The following TRDN variants were observed in gnomAD, a reference collection of about 807,000 sequenced individuals.
The protein encoded by TRDN is triadin in skeletal muscle.
Under a neutral mutation model 149.7 loss-of-function variants are expected in TRDN, and 161 were observed. That is an observed-to-expected ratio of 1.08 (90% CI 0.95 to 1.23). TRDN has a LOEUF of 1.23. TRDN is among the 50% of genes most tolerant of loss of function. The pLI is 0.00. For synonymous variants in TRDN, 294 were observed against 250.5 expected, an observed-to-expected ratio of 1.17 and a Z score of -1.64; for missense variants, 896 against 823.5, an observed-to-expected ratio of 1.09 and a Z score of -1.08.
At chr6:123,520,422 C>A (rs921135129) in intron 5 of TRDN, among the ~76,000 whole-genome samples, 1 of 152,104 alleles carries the variant, frequency 6.6e-6, no homozygotes, top group Non-Finnish European at 1.5e-5. Flanking sequence ...CCAGGACTCT[C>A]CTTCAAAACT....
At chr6:123,418,708 C>T (rs2114534912) in intron 12 of TRDN, 1 of 152,310 alleles carries the variant, frequency 6.6e-6, no homozygotes, top group Non-Finnish European at 1.5e-5. Flanking sequence ...CCACTGACTC[C>T]ATTCCATCTT....
chr6:123,398,833 G>A (rs1772842600), intron 12 of TRDN, among the ~76,000 whole-genome samples: 1 of 152,156 alleles, frequency 6.6e-6, no homozygotes, highest in Admixed American at 6.5e-5. Context: ...TGCAAAAGGT[G>A]CACAATGCAG....
chr6:123,484,724 A>G (rs984036936), intron 9 of TRDN, among the ~76,000 whole-genome samples: 2 of 152,190 alleles, frequency 1.3e-5, no homozygotes, highest in African/African-American at 4.8e-5. Flanking sequence ...GCAAAGATAT[A>G]CCTACAGAAC....
chr6:123,301,723 A>G (rs1320692497), intron 24 of TRDN, among the ~76,000 whole-genome samples: 2 of 143,334 alleles, frequency 1.4e-5, no homozygotes, highest in East Asian at 4.1e-4. Flanking sequence ...CTCCCAGTAC[A>G]TATATGTATG....
intron 24 of TRDN, among the ~76,000 whole-genome samples, chr6:123,312,800 G>A (rs766318973): frequency 6.6e-6 from 1 of 151,848 alleles, no homozygotes; most frequent in Non-Finnish European, 1.5e-5. Flanking sequence ...TCATTTCCTT[G>A]TAGCCATCTT....
At chr6:123,402,316 T>A (rs921054552) in intron 12 of TRDN, among the ~76,000 whole-genome samples, 5 of 152,184 alleles carry the variant, frequency 3.3e-5, no homozygotes, top group Admixed American at 6.5e-5. Context: ...CACGTCCAAA[T>A]AAGGCAAATG....
chr6:123,471,039 A>G (rs1265191489), intron 9 of TRDN: 2 of 152,246 alleles, frequency 1.3e-5, no homozygotes, highest in Non-Finnish European at 2.9e-5. Context: ...TGAGTACCCT[A>G]TAAAAGTTTA....
intron 2 of TRDN, among the ~76,000 whole-genome samples, chr6:123,552,803 T>C (rs1002154181): frequency 1.3e-5 from 2 of 152,132 alleles, no homozygotes; most frequent in Admixed American, 6.6e-5. Context: ...ATTAGCTCTA[T>C]GATATTGAGA....
At chr6:123,527,144 G>C (rs760633478) in intron 5 of TRDN, among the ~76,000 whole-genome samples, 2 of 151,996 alleles carry the variant, frequency 1.3e-5, no homozygotes, top group Middle Eastern at 3.4e-3. Flanking sequence ...GTAGAAAAAG[G>C]TTATGGTAAC....
intron 12 of TRDN, among the ~76,000 whole-genome samples, chr6:123,419,428 G>A (rs991035034): frequency 6.6e-6 from 1 of 152,102 alleles, no homozygotes. Context: ...CTAGGCTGGA[G>A]TACAGTGGTG....
At chr6:123,236,453 G>A (rs1775790610) in intron 38 of TRDN, among the ~76,000 whole-genome samples, 1 of 152,114 alleles carries the variant, frequency 6.6e-6, no homozygotes, top group Non-Finnish European at 1.5e-5. Flanking sequence ...TTAATTTTGA[G>A]ATGGTATACA....
chr6:123,491,421 A>G (rs1282110266), intron 9 of TRDN, among the ~76,000 whole-genome samples: 1 of 152,166 alleles, frequency 6.6e-6, no homozygotes, highest in Admixed American at 6.5e-5. Context: ...TGAAGTATAT[A>G]CATCTTTGAA....
intron 8 of TRDN, chr6:123,498,118 A>G (rs1778528974): frequency 6.1e-6 from 1 of 163,642 alleles, no homozygotes; most frequent in African/African-American, 2.4e-5. Context: ...AAGCATACAT[A>G]TTATGAAATA....
chr6:123,533,300 A>G (rs955806048), intron 4 of TRDN, among the ~76,000 whole-genome samples: 4 of 152,100 alleles, frequency 2.6e-5, no homozygotes, highest in Admixed American at 2.6e-4. Context: ...TCTTCCACAG[A>G]TACCAGCTGA....
intron 4 of TRDN, among the ~76,000 whole-genome samples, chr6:123,542,874 G>T (rs1317779508): frequency 6.6e-6 from 1 of 151,640 alleles, no homozygotes; most frequent in East Asian, 1.9e-4. Context: ...GTGTGTGTGT[G>T]TGTGTGTGTG....
At chr6:123,496,817 T>C (rs905992685) in intron 9 of TRDN, among the ~76,000 whole-genome samples, 4 of 152,098 alleles carry the variant, frequency 2.6e-5, no homozygotes, top group African/African-American at 9.7e-5. Context: ...TTAATATGAA[T>C]TGTGTTCACT....
intron 38 of TRDN, among the ~76,000 whole-genome samples, chr6:123,245,579 C>T (rs530771425): frequency 1.2e-3 from 184 of 152,162 alleles, no homozygotes; most frequent in African/African-American, 4.2e-3. Context: ...CAGGAGCACC[C>T]GGATTGATAA....
chr6:123,280,119 A>G (rs1185478831), intron 24 of TRDN, among the ~76,000 whole-genome samples: 2 of 152,080 alleles, frequency 1.3e-5, no homozygotes, highest in African/African-American at 4.8e-5. Context: ...CAAATCACGG[A>G]GCTTATAAGA....
chr6:123,455,814 T>C (rs1381807233), intron 10 of TRDN, among the ~76,000 whole-genome samples: 1 of 152,222 alleles, frequency 6.6e-6, no homozygotes, highest in Admixed American at 6.5e-5. Context: ...ACTTTTCATT[T>C]ACAATATCAT....
Sources: allele counts gnomAD v4.1 joint callset (sites outside exome capture counted in the v4.1 genomes callset), GRCh38; gene constraint gnomAD v4.1.1; transcripts MANE v1.5; gene names NCBI Gene and HGNC (gene_info 2026-07-23, HGNC 2026-07-21).